Variants in DAB1 observed in about 807,000 individuals in gnomAD.
DAB1 encodes the protein disabled homolog 1.
Under a neutral mutation model 64.6 loss-of-function variants are expected in DAB1, and 15 were observed. That is an observed-to-expected ratio of 0.23 (90% CI 0.16 to 0.36). The LOEUF (loss-of-function observed/expected upper bound fraction) is 0.36. DAB1 is among the 10% of genes least tolerant of loss of function. DAB1 has a pLI of 1.00. For missense variants in DAB1, 596 were observed against 706.7 expected (o/e 0.84, Z 1.78); for synonymous variants, 235 against 251.9 (o/e 0.93, Z 0.64).
chr1:58,070,528 G>A (rs1191827239), intron 5 of DAB1, among the ~76,000 whole-genome samples: 1 of 152,178 alleles, frequency 6.6e-6, no homozygotes, highest in Non-Finnish European at 1.5e-5. Context: ...GTCACATAAT[G>A]GCTTTAACCA....
intron 5 of DAB1, among the ~76,000 whole-genome samples, chr1:57,936,574 G>A (rs932304339): frequency 6.6e-6 from 1 of 151,694 alleles, no homozygotes; most frequent in African/African-American, 2.4e-5. Flanking sequence ...TTTTCTTTTT[G>A]TTGTTTTTAT....
chr1:57,657,404 A>G (rs1646331872), intron 6 of DAB1, among the ~76,000 whole-genome samples: 1 of 152,218 alleles, frequency 6.6e-6, no homozygotes, highest in African/African-American at 2.4e-5. Context: ...CACAGTACGG[A>G]GTTCCCCATT....
At chr1:58,249,835 C>A (rs1471495122) in intron 4 of DAB1, among the ~76,000 whole-genome samples, 5 of 152,202 alleles carry the variant, frequency 3.3e-5, no homozygotes, top group African/African-American at 9.6e-5. Context: ...GGCGCTCCGG[C>A]CACAACTTGG....
At chr1:58,497,960 C>T (rs1645832697) in intron 3 of DAB1, among the ~76,000 whole-genome samples, 1 of 152,106 alleles carries the variant, frequency 6.6e-6, no homozygotes, top group African/African-American at 2.4e-5. Context: ...CTTCCATTTC[C>T]CTCTTGTTAA....
intron 4 of DAB1, among the ~76,000 whole-genome samples, chr1:58,253,091 A>G (rs1660841611): frequency 6.6e-6 from 1 of 152,180 alleles, no homozygotes; most frequent in Non-Finnish European, 1.5e-5. Context: ...CTGCATGGGA[A>G]TCAGAGAGAA....
intron 3 of DAB1, among the ~76,000 whole-genome samples, chr1:58,473,123 C>G (rs1239088953): frequency 1.3e-5 from 2 of 152,210 alleles, no homozygotes; most frequent in Non-Finnish European, 2.9e-5. Context: ...AGCCAACCTC[C>G]CAATGCTTAA....
At chr1:58,121,117 GA>G (rs1652710054) in intron 5 of DAB1, among the ~76,000 whole-genome samples, 1 of 152,016 alleles carries the variant, frequency 6.6e-6, no homozygotes, top group African/African-American at 2.4e-5. Flanking sequence ...TGGGATCTTT[GA>G]TTTTTTTTCC....
intron 6 of DAB1, among the ~76,000 whole-genome samples, chr1:57,717,136 A>G (rs576490953): frequency 3.3e-5 from 5 of 152,108 alleles, no homozygotes; most frequent in African/African-American, 1.2e-4. Context: ...CTACTCTGGA[A>G]GGCTGAGGGA....
intron 6 of DAB1, among the ~76,000 whole-genome samples, chr1:57,672,990 T>C (rs957136908): frequency 6.6e-6 from 1 of 152,168 alleles, no homozygotes. Context: ...GGTGAGGATA[T>C]GTGTGTGTGT....
At chr1:57,228,216 C>T (rs1667414723) in intron 2 of DAB1, among the ~76,000 whole-genome samples, 1 of 152,170 alleles carries the variant, frequency 6.6e-6, no homozygotes, top group Non-Finnish European at 1.5e-5. Context: ...TGGATGCCTG[C>T]ACTTTGGTAT....
intron 4 of DAB1, among the ~76,000 whole-genome samples, chr1:58,174,840 C>G (rs994810380): frequency 2.6e-5 from 4 of 151,864 alleles, no homozygotes; most frequent in African/African-American, 9.7e-5. Flanking sequence ...CCAATCAGCG[C>G]TCTGTAAAAA....
Position 57,758,680 on chromosome 1 carries a change from C to T in DAB1, n.552-109015G>A, listed in dbSNP as rs186615103. Among the ~76,000 whole-genome samples the T allele has an allele frequency of 1.5e-3, 221 of 152,202 alleles. 1 individual carries two copies. The highest frequency in any genetic ancestry group is 5.2e-3 in the African/African-American group (216 of 41,538). On this transcript the variant is annotated intron_variant and non_coding_transcript_variant, in intron 6 of 20. Coordinates refer to the DAB1 transcript ENST00000485760. ...CAAGGCTGCATTGGCATTTTTTTAA[C>T]AGGCCATAGAAATTCACAATCAAAA... is the stretch of plus-strand genomic sequence containing the variant.
chr1:58,451,247 C>A (rs556312841), intron 3 of DAB1, among the ~76,000 whole-genome samples: 1 of 152,252 alleles, frequency 6.6e-6, no homozygotes, highest in South Asian at 2.1e-4. Context: ...ATGCCATACA[C>A]CCAGCTAATT....
At chr1:57,840,475 C>T (rs1476810440) in intron 1 of DAB1, among the ~76,000 whole-genome samples, 1 of 151,984 alleles carries the variant, frequency 6.6e-6, no homozygotes, top group African/African-American at 2.4e-5. Context: ...GTCAAAAATG[C>T]ATTTAATATA....
chr1:58,514,758 G>T (rs1646134181), intron 2 of DAB1, among the ~76,000 whole-genome samples: 2 of 152,134 alleles, frequency 1.3e-5, no homozygotes, highest in Non-Finnish European at 2.9e-5. Flanking sequence ...ATATAAAAAT[G>T]ATCATTATTT....
intron 6 of DAB1, among the ~76,000 whole-genome samples, chr1:57,652,408 G>A (rs12029004): frequency 0.44 from 66,596 of 151,736 alleles, 16,687 homozygotes; most frequent in East Asian, 0.68. Flanking sequence ...GAAAAATCCT[G>A]CCCCAAAATG....
intron 1 of DAB1, among the ~76,000 whole-genome samples, chr1:57,335,490 T>C (rs2100810336): frequency 6.6e-6 from 1 of 152,328 alleles, no homozygotes; most frequent in Middle Eastern, 3.4e-3. Flanking sequence ...TCCCCTTTCA[T>C]TGTCCTTAGA....
chr1:57,361,638 G>A (rs1446282500), intron 1 of DAB1, among the ~76,000 whole-genome samples: 1 of 151,950 alleles, frequency 6.6e-6, no homozygotes, highest in African/African-American at 2.4e-5. Flanking sequence ...ACAAAACTGA[G>A]CAGAAACTGT....
chr1:57,465,205 G>A (rs913565977), intron 7 of DAB1, among the ~76,000 whole-genome samples: 1 of 152,190 alleles, frequency 6.6e-6, no homozygotes, highest in Non-Finnish European at 1.5e-5. Flanking sequence ...AGCAGTCAAA[G>A]CTACTTGCAC....
Sources: gnomAD v4.1 joint callset for allele counts (sites outside exome capture counted in the v4.1 genomes callset) on GRCh38, gnomAD v4.1.1 for gene constraint, MANE v1.5 for transcripts, NCBI Gene and HGNC (gene_info 2026-07-23, HGNC 2026-07-21) for gene names.